Variants in WIPF3 observed in about 807,000 individuals in gnomAD.
WIPF3 encodes the protein WAS/WASL-interacting protein family member 3.
Under a neutral mutation model 38.9 loss-of-function variants are expected in WIPF3, and 33 were observed. The observed-to-expected ratio is 0.85, with a 90% CI of 0.64 to 1.14. The LOEUF (loss-of-function observed/expected upper bound fraction) is 1.14. Among genes scored for constraint, WIPF3 ranks in the 50% most tolerant of loss-of-function variants. The pLI, the probability that WIPF3 is intolerant of heterozygous loss-of-function variation, is 0.00. For missense variants in WIPF3, 711 were observed against 652.5 expected, an observed-to-expected ratio of 1.09 and a Z score of -0.98; for synonymous variants, 324 against 269.3, an observed-to-expected ratio of 1.20 and a Z score of -1.99.
In WIPF3 at chr7:29,884,264, T is replaced by TGGGCC; in HGVS notation, c.770_771insGGGCC (p.Pro258GlyfsTer118). The TGGGCC allele has an allele frequency of 1.5e-6, 2 of 1,315,266 alleles. No homozygotes were observed. Among genetic ancestry groups the TGGGCC allele is most frequent in the Non-Finnish European group, 2.0e-6 (2 of 992,690 alleles). The allele number at this position is 1,315,266 out of a possible 1,614,324, so 81.5% of individuals were successfully genotyped here. ...AAGCCTCAGCTGGCTCCCTTGCACC[T>TGGGCC]CCCGCCCATCCCGCCCCCGCTCCCT... On this transcript the variant is annotated frameshift_variant, in exon 5 of 9. Transcript: ENST00000242140. LOFTEE classifies it high-confidence loss of function.
At position 29,878,167 on chromosome 7, in the gene WIPF3, A is replaced by G. The variant is rs1785642705; in HGVS notation, c.224-842A>G. Among the ~76,000 whole-genome samples, 1 of 152,232 alleles carries G rather than the reference A, an allele frequency of 6.6e-6. No individual in the cohort carries two copies. Among genetic ancestry groups the G allele is most frequent in the Admixed American group, 6.5e-5 (1 of 15,278 alleles). On this transcript the variant is annotated intron_variant, in intron 3 of 8. Transcript: ENST00000242140. The surrounding 1 kb of genome is among the most constrained non-coding windows in gnomAD (Gnocchi z 4.0). ...AATTGGTTAAGCCTAATTAACAGGTAAATCAATTTCATTGAAACACTCACT... is the reference window on the plus strand; with the variant it reads ...AATTGGTTAAGCCTAATTAACAGGTGAATCAATTTCATTGAAACACTCACT...
intron 2 of WIPF3, 34 bp downstream of exon 2, chr7:29,834,848 A>C: frequency 7.0e-7 from 1 of 1,427,324 alleles, no homozygotes; most frequent in Non-Finnish European, 9.3e-7. Context: ...TTTACTGTGG[A>C]GCATAAACTG....
intron 3 of WIPF3, among the ~76,000 whole-genome samples, chr7:29,876,515 C>A (rs1785601333): frequency 6.6e-6 from 1 of 152,160 alleles, no homozygotes; most frequent in Admixed American, 6.5e-5. Context: ...CTTCACTTAG[C>A]ATAATGTTTT....
chr7:29,884,264 T>TCC lies in WIPF3; in HGVS notation c.772_773dup (p.Pro259ArgfsTer116). On this transcript the variant is annotated frameshift_variant, in exon 5 of 9. Coordinates refer to ENST00000242140, the MANE Select transcript of WIPF3 (RefSeq NM_001080529.3). LOFTEE classifies it high-confidence loss of function. ...AAGCCTCAGCTGGCTCCCTTGCACC[T>TCC]CCCGCCCATCCCGCCCCCGCTCCCT... 7.6e-6 allele frequency: 10 copies of TCC among 1,315,270 alleles called. No individual in the cohort carries two copies. Among genetic ancestry groups the TCC allele is most frequent in the Admixed American group, 5.3e-5 (2 of 37,580 alleles). The allele number at this position is 1,315,270 out of a possible 1,614,324, so 81.5% of individuals were successfully genotyped here.
At position 29,862,749 on chromosome 7, in the gene WIPF3, G is replaced by A. The variant is rs562491489; in HGVS notation, c.91-13081G>A. 2.0e-5 allele frequency among the ~76,000 whole-genome samples: 3 copies of A among 152,318 alleles called. No individual in the cohort carries two copies. The South Asian group carries it at 6.2e-4, about 32-fold the overall frequency. On this transcript the variant is annotated intron_variant, in intron 2 of 8. Transcript: ENST00000242140. ...GTTATTTCTTTATTTATCACACTGAGACATCATCTGTTGACTTGCTACTAT... is the reference window on the plus strand; with the variant it reads ...GTTATTTCTTTATTTATCACACTGAAACATCATCTGTTGACTTGCTACTAT...
chr7:29,873,390 C>G (rs1031773986), intron 2 of WIPF3, among the ~76,000 whole-genome samples: 7 of 152,154 alleles, frequency 4.6e-5, no homozygotes, highest in Non-Finnish European at 1.0e-4. Context: ...CCCCAAATTC[C>G]CTGACCATAA....
chr7:29,816,749 T>C (rs561699337), intron 1 of WIPF3, among the ~76,000 whole-genome samples: 4 of 152,242 alleles, frequency 2.6e-5, no homozygotes, highest in Non-Finnish European at 5.9e-5. Context: ...AGTGTGTCAG[T>C]ATAATGTATG....
chr7:29,855,888 C>T (rs1463447020), intron 2 of WIPF3, among the ~76,000 whole-genome samples: 1 of 152,174 alleles, frequency 6.6e-6, no homozygotes, highest in Non-Finnish European at 1.5e-5. Context: ...AATTAAATGA[C>T]ATATAATTGT....
At position 29,908,387 on chromosome 7, in the gene WIPF3, C is replaced by G. The variant is rs565649808; in HGVS notation, c.1428+4025C>G. On this transcript the variant is annotated intron_variant, in intron 8 of 8. Coordinates refer to ENST00000242140, the MANE Select transcript of WIPF3 (RefSeq NM_001080529.3). ...GACAGAATTAAAGTGAGAAACAGAC[C>G]TATAATAATAGCTGAAGAATCAAAT... 3.3e-5 allele frequency among the ~76,000 whole-genome samples: 5 copies of G among 152,106 alleles called. No homozygotes were observed. In the South Asian group the frequency reaches 8.3e-4, roughly 25 times the overall value.
chr7:29,862,144 G>A (rs1306575089), intron 2 of WIPF3, among the ~76,000 whole-genome samples: 1 of 152,018 alleles, frequency 6.6e-6, no homozygotes. Context: ...TAATTCATGG[G>A]GCATTTTCTT....
At chr7:29,894,542 A>T (rs957364395) in intron 7 of WIPF3, among the ~76,000 whole-genome samples, 1 of 152,140 alleles carries the variant, frequency 6.6e-6, no homozygotes, top group Admixed American at 6.5e-5. Flanking sequence ...CTAGTGCAGA[A>T]CCTTTTAAAT....
chr7:29,865,393 T>C (rs1272148405), intron 2 of WIPF3, among the ~76,000 whole-genome samples: 1 of 152,168 alleles, frequency 6.6e-6, no homozygotes, highest in Non-Finnish European at 1.5e-5. Context: ...CTTTCCACTA[T>C]ACCACACTGC....
At chr7:29,889,165 C>T in intron 6 of WIPF3, 141 bp from the exon 7 acceptor site, 2 of 666,200 alleles carry the variant, frequency 3.0e-6, no homozygotes, top group Non-Finnish European at 5.4e-6. Context: ...GGAGAATGGC[C>T]CTGTTGTTAA....
At chr7:29,893,774 TC>T (rs1459351718) in intron 7 of WIPF3, among the ~76,000 whole-genome samples, 1 of 152,162 alleles carries the variant, frequency 6.6e-6, no homozygotes, top group African/African-American at 2.4e-5. Flanking sequence ...CTCCTTTCCT[TC>T]CCCTGAGGCA....
At chr7:29,900,386 A>G (rs1786250053) in intron 7 of WIPF3, among the ~76,000 whole-genome samples, 1 of 152,122 alleles carries the variant, frequency 6.6e-6, no homozygotes, top group South Asian at 2.1e-4. Flanking sequence ...AGTTGTCAGG[A>G]GAGAGAATAT....
chr7:29,852,277 A>T (rs80156398), intron 2 of WIPF3, among the ~76,000 whole-genome samples: 1 of 152,248 alleles, frequency 6.6e-6, no homozygotes, highest in Non-Finnish European at 1.5e-5. Context: ...AAGCATAGGC[A>T]TGAGCCACGA....
chr7:29,823,877 G>A lies in WIPF3; in HGVS notation c.-57-10791G>A, dbSNP rs1784577060. 2.0e-5 allele frequency among the ~76,000 whole-genome samples: 3 copies of A among 152,280 alleles called. No individual in the cohort carries two copies. The highest frequency in any genetic ancestry group is 1.9e-4 in the East Asian group (1 of 5,184). ...ACTTTGCCTTCTGCCATGAGTAAAC[G>A]TTCCCTGAGGCCTCCCCAGAAGCAG... On this transcript the variant is annotated intron_variant, in intron 1 of 8. Coordinates refer to ENST00000242140, the MANE Select transcript of WIPF3 (RefSeq NM_001080529.3). The surrounding 1 kb of genome is among the most constrained non-coding windows in gnomAD (Gnocchi z 4.0).
chr7:29,882,854 A>G lies in WIPF3; in HGVS notation c.356-996A>G, dbSNP rs2128075258. 3.3e-5 allele frequency among the ~76,000 whole-genome samples: 5 copies of G among 152,350 alleles called. No homozygotes were observed. The South Asian group carries it at 1.0e-3, about 32-fold the overall frequency. On this transcript the variant is annotated intron_variant, in intron 4 of 8. Coordinates refer to ENST00000242140, the MANE Select transcript of WIPF3 (RefSeq NM_001080529.3). ...AACACCCCCCAGAATTCTTATAAAA[A>G]GAGCACTAAATCTGGAAGAAATATT...
chr7:29,847,653 T>G (rs981395893), intron 2 of WIPF3, among the ~76,000 whole-genome samples: 1 of 152,220 alleles, frequency 6.6e-6, no homozygotes, highest in Non-Finnish European at 1.5e-5. Context: ...TCGGCCTCCC[T>G]GAGCTGCATT....
Sources: allele counts gnomAD v4.1 joint callset (sites outside exome capture counted in the v4.1 genomes callset), GRCh38; gene constraint gnomAD v4.1.1; non-coding constraint Gnocchi (gnomAD v3.1); transcripts MANE v1.5; gene names NCBI Gene and HGNC (gene_info 2026-07-23, HGNC 2026-07-21).